Variants in RASEF observed in about 807,000 individuals in gnomAD.
The protein encoded by RASEF is ras and EF-hand domain-containing protein.
In RASEF, 68 loss-of-function variants were observed where a neutral mutation model predicts 90.1. That is an observed-to-expected ratio of 0.75 (90% confidence interval 0.62 to 0.92). The LOEUF (loss-of-function observed/expected upper bound fraction) is 0.92, where lower values mean the gene tolerates loss of function less well. RASEF is among the 40% of genes least tolerant of loss of function. The pLI, the probability that RASEF is intolerant of heterozygous loss-of-function variation, is 0.00. For missense variants in RASEF, 949 were observed against 937.2 expected, an observed-to-expected ratio of 1.01 and a Z score of -0.16; for synonymous variants, 331 against 345.2, an observed-to-expected ratio of 0.96 and a Z score of 0.46.
the RASEF span, among the ~76,000 whole-genome samples, chr9:83,169,390 CACACAG>C: frequency 4.2e-5 from 5 of 120,212 alleles, no homozygotes; most frequent in East Asian, 2.5e-4. Context: ...CACACACACA[CACACAG>C]GAGTGGGATT....
At chr9:83,041,805 G>A (rs944327181) in intron 1 of RASEF, among the ~76,000 whole-genome samples, 7 of 152,018 alleles carry the variant, frequency 4.6e-5, no homozygotes, top group Non-Finnish European at 7.4e-5. Flanking sequence ...ATTAAAATCC[G>A]ACTTTGGCAC....
the RASEF span, among the ~76,000 whole-genome samples, chr9:83,087,611 G>A: frequency 6.6e-6 from 1 of 151,630 alleles, no homozygotes; most frequent in Non-Finnish European, 1.5e-5. Context: ...CTGTAGGGTG[G>A]GTAATGTCCT....
At chr9:83,076,125 G>A in the RASEF span, among the ~76,000 whole-genome samples, 3 of 150,476 alleles carry the variant, frequency 2.0e-5, no homozygotes, top group South Asian at 4.2e-4. Context: ...CCGAGATGGC[G>A]CCACTGTACT....
At chr9:83,218,555 A>G in the RASEF span, among the ~76,000 whole-genome samples, 1 of 152,078 alleles carries the variant, frequency 6.6e-6, no homozygotes. Flanking sequence ...AAACATGCTG[A>G]CCAAGCTACC....
chr9:83,186,634 A>G, the RASEF span, among the ~76,000 whole-genome samples: 1 of 152,050 alleles, frequency 6.6e-6, no homozygotes, highest in Non-Finnish European at 1.5e-5. Flanking sequence ...CAGAATCCCC[A>G]TAATGTTGGG....
intron 1 of RASEF, among the ~76,000 whole-genome samples, chr9:83,053,496 C>G (rs1830055454): frequency 7.4e-6 from 1 of 134,312 alleles, no homozygotes; most frequent in Non-Finnish European, 1.5e-5. Flanking sequence ...GACTCTTTAT[C>G]CAATTTGCCA....
the RASEF span, among the ~76,000 whole-genome samples, chr9:83,178,214 T>A: frequency 6.6e-6 from 1 of 152,302 alleles, no homozygotes; most frequent in East Asian, 1.9e-4. Flanking sequence ...GGGTAAAATC[T>A]CTTCTCTTCT....
intron 7 of RASEF, among the ~76,000 whole-genome samples, chr9:83,006,810 C>G (rs765667371): frequency 6.6e-6 from 1 of 152,016 alleles, no homozygotes; most frequent in African/African-American, 2.4e-5. Context: ...ACTCAGGGTA[C>G]GGGCCGGGCG....
At chr9:83,095,120 T>C in the RASEF span, among the ~76,000 whole-genome samples, 1 of 152,182 alleles carries the variant, frequency 6.6e-6, no homozygotes, top group Non-Finnish European at 1.5e-5. Flanking sequence ...ATGGCAGTTC[T>C]GGAACCACTA....
chr9:83,086,709 G>T, the RASEF span, among the ~76,000 whole-genome samples: 1 of 152,158 alleles, frequency 6.6e-6, no homozygotes, highest in African/African-American at 2.4e-5. Flanking sequence ...GTTGGCTGGA[G>T]AACTCAGTTC....
chr9:83,104,312 T>C, the RASEF span, among the ~76,000 whole-genome samples: 2 of 152,122 alleles, frequency 1.3e-5, no homozygotes, highest in Non-Finnish European at 2.9e-5. Flanking sequence ...ATAAGAATCC[T>C]TAAAAAAAAT....
chr9:83,060,475 T>C (rs928058954), intron 1 of RASEF, among the ~76,000 whole-genome samples: 16 of 152,228 alleles, frequency 1.1e-4, no homozygotes, highest in African/African-American at 3.9e-4. Flanking sequence ...ATGAACTACA[T>C]ACTATCCTTC....
the RASEF span, among the ~76,000 whole-genome samples, chr9:83,204,382 T>C: frequency 1.3e-5 from 2 of 152,174 alleles, no homozygotes; most frequent in Non-Finnish European, 2.9e-5. Flanking sequence ...TGTATGTATC[T>C]GAAGTTCACA....
the RASEF span, among the ~76,000 whole-genome samples, chr9:83,193,437 T>C: frequency 1.4e-4 from 22 of 152,312 alleles, no homozygotes; most frequent in East Asian, 4.1e-3. Flanking sequence ...AAATGGAATT[T>C]TATGCAGAAA....
the RASEF span, among the ~76,000 whole-genome samples, chr9:83,171,875 C>G: frequency 6.6e-6 from 1 of 151,552 alleles, no homozygotes; most frequent in African/African-American, 2.4e-5. Context: ...CTTTTTGTTT[C>G]ATTGAATCCT....
At chr9:83,083,733 A>G in the RASEF span, among the ~76,000 whole-genome samples, 1 of 152,122 alleles carries the variant, frequency 6.6e-6, no homozygotes, top group African/African-American at 2.4e-5. Context: ...GGAACCCTGG[A>G]TTTTCTTCTG....
rs776014952 is a variant in RASEF at position 82,992,882 on chromosome 9, A to T, written c.2040+24T>A. 4.3e-6 allele frequency: 7 copies of T among 1,611,792 alleles called. No individual in the cohort carries two copies. In the South Asian group the frequency reaches 7.7e-5, roughly 18 times the overall value. Reference sequence around the variant, plus strand: ...CCATTAAACCCCATGTTCTCTTCTAATTCTGAGGCATCCTCACTCTTACCA... The same window carrying T: ...CCATTAAACCCCATGTTCTCTTCTATTTCTGAGGCATCCTCACTCTTACCA... On this transcript the variant is annotated intron_variant, in intron 15 of 16. Transcript: ENST00000376447.
chr9:83,156,370 A>T, the RASEF span, among the ~76,000 whole-genome samples: 8 of 152,272 alleles, frequency 5.3e-5, no homozygotes, highest in South Asian at 8.3e-4. Flanking sequence ...CTACCTGATA[A>T]AGGGACACTC....
intron 1 of RASEF, chr9:83,055,398 T>C: frequency 2.0e-6 from 1 of 511,460 alleles, no homozygotes; most frequent in Non-Finnish European, 3.5e-6. Context: ...TCGCCCTGCT[T>C]CGGCTCGCGC....
Sources: allele counts gnomAD v4.1 joint callset (sites outside exome capture counted in the v4.1 genomes callset), GRCh38; gene constraint gnomAD v4.1.1; transcripts MANE v1.5; gene names NCBI Gene and HGNC (gene_info 2026-07-23, HGNC 2026-07-21).